Variants in RNGTT observed in about 807,000 individuals in gnomAD.
The protein encoded by RNGTT is mRNA-capping enzyme.
Under a neutral mutation model 79.3 loss-of-function variants are expected in RNGTT, and 33 were observed. The ratio of observed to expected loss-of-function variants is 0.42; its 90% CI spans 0.32 to 0.56. The LOEUF is 0.56. Among genes scored for constraint, RNGTT ranks in the 20% least tolerant of loss-of-function variants. RNGTT has a pLI of 0.17. For missense variants in RNGTT, 497 were observed against 739.1 expected (o/e 0.67, Z 3.80); for synonymous variants, 222 against 235.9 (o/e 0.94, Z 0.54).
chr6:88,805,329 A>G (rs1452599044), intron 11 of RNGTT, among the ~76,000 whole-genome samples: 1 of 152,192 alleles, frequency 6.6e-6, no homozygotes, highest in Non-Finnish European at 1.5e-5. Context: ...AATCCCTGGA[A>G]GCCCAAAACA....
At chr6:88,882,925 T>C (rs1782736081) in intron 8 of RNGTT, among the ~76,000 whole-genome samples, 1 of 152,182 alleles carries the variant, frequency 6.6e-6, no homozygotes, top group Non-Finnish European at 1.5e-5. Flanking sequence ...TTCTGTTGTT[T>C]ATAAATTACC....
intron 8 of RNGTT, among the ~76,000 whole-genome samples, chr6:88,876,189 G>A (rs960463515): frequency 1.3e-5 from 2 of 152,118 alleles, no homozygotes; most frequent in Non-Finnish European, 2.9e-5. Flanking sequence ...AAAAATACAT[G>A]TTATAACAAT....
chr6:88,870,842 AG>A, intron 8 of RNGTT, among the ~76,000 whole-genome samples: 1 of 152,304 alleles, frequency 6.6e-6, no homozygotes, highest in East Asian at 1.9e-4. Context: ...ATTATAAAAT[AG>A]ATGTCCAATG....
intron 14 of RNGTT, among the ~76,000 whole-genome samples, chr6:88,657,850 A>G (rs1774036926): frequency 6.6e-6 from 1 of 152,166 alleles, no homozygotes; most frequent in Admixed American, 6.5e-5. Context: ...CCCTTGGAAC[A>G]TAAATCCACT....
At position 88,611,330 on chromosome 6, in the gene RNGTT, TAGA is replaced by T. The variant is rs1442078283; in HGVS notation, c.*1386_*1388del. 6.6e-6 allele frequency: 1 copy of T among 152,668 alleles called. No homozygotes were observed. Among genetic ancestry groups the T allele is most frequent in the East Asian group, 1.9e-4 (1 of 5,200 alleles). The allele number at this position is 152,668 out of a possible 1,614,324, so 9.5% of individuals were successfully genotyped here. On this transcript the variant is annotated 3_prime_UTR_variant, in exon 16 of 16. Coordinates refer to ENST00000369485, the MANE Select transcript of RNGTT (RefSeq NM_003800.5). ...TGGATTTCGTGTCTGACTGAATCAG[TAGA>T]AGAATATACACTTGCATATACTTAC...
intron 12 of RNGTT, among the ~76,000 whole-genome samples, chr6:88,770,272 A>G (rs1423508781): frequency 2.0e-5 from 3 of 152,192 alleles, no homozygotes; most frequent in African/African-American, 7.2e-5. Context: ...AAATCATGAT[A>G]TTGAACATTT....
At chr6:88,617,197 G>A (rs1772262914) in intron 14 of RNGTT, among the ~76,000 whole-genome samples, 1 of 152,232 alleles carries the variant, frequency 6.6e-6, no homozygotes, top group Non-Finnish European at 1.5e-5. Flanking sequence ...ATGAACCTGG[G>A]AGGCGGAGCT....
intron 12 of RNGTT, among the ~76,000 whole-genome samples, chr6:88,797,440 G>A (rs1360453885): frequency 6.6e-6 from 1 of 152,086 alleles, no homozygotes; most frequent in Non-Finnish European, 1.5e-5. Flanking sequence ...GAGAAGAAAG[G>A]TAAAAGGGAT....
chr6:88,670,694 A>C (rs1297520473), intron 14 of RNGTT, among the ~76,000 whole-genome samples: 1 of 152,166 alleles, frequency 6.6e-6, no homozygotes, highest in Non-Finnish European at 1.5e-5. Flanking sequence ...AAGACTTGTG[A>C]AACTTTCTGT....
At chr6:88,950,464 G>C (rs539591766) in intron 1 of RNGTT, among the ~76,000 whole-genome samples, 1 of 152,200 alleles carries the variant, frequency 6.6e-6, no homozygotes, top group South Asian at 2.1e-4. Flanking sequence ...ATGAATCTGG[G>C]CAAAATAAAT....
At chr6:88,656,704 C>T (rs1773990784) in intron 14 of RNGTT, among the ~76,000 whole-genome samples, 1 of 151,386 alleles carries the variant, frequency 6.6e-6, no homozygotes, top group Non-Finnish European at 1.5e-5. Flanking sequence ...AGAGTCTCTG[C>T]CTTGGGTGAA....
chr6:88,675,652 C>CG (rs11374107), intron 14 of RNGTT, among the ~76,000 whole-genome samples: 11,943 of 151,676 alleles, frequency 0.079, 1,591 homozygotes, highest in African/African-American at 0.27. Flanking sequence ...ATAAAAGCTA[C>CG]TGAACTAATA....
chr6:88,617,556 T>A (rs928082857), intron 14 of RNGTT, among the ~76,000 whole-genome samples: 1 of 152,236 alleles, frequency 6.6e-6, no homozygotes, highest in African/African-American at 2.4e-5. Flanking sequence ...TCTATCTTTA[T>A]GCCAGTAATT....
chr6:88,656,755 G>GACTT (rs1390990065), intron 14 of RNGTT, among the ~76,000 whole-genome samples: 2 of 150,124 alleles, frequency 1.3e-5, no homozygotes, highest in Non-Finnish European at 3.0e-5. Flanking sequence ...CCTTCCCCAT[G>GACTT]ACTTACTGAA....
At chr6:88,786,785 G>C (rs887533783) in intron 12 of RNGTT, among the ~76,000 whole-genome samples, 1 of 152,194 alleles carries the variant, frequency 6.6e-6, no homozygotes, top group Non-Finnish European at 1.5e-5. Flanking sequence ...GCTACAGACT[G>C]ATGTTTGTGT....
intron 14 of RNGTT, among the ~76,000 whole-genome samples, chr6:88,644,949 G>A (rs1325227563): frequency 6.6e-6 from 1 of 152,156 alleles, no homozygotes; most frequent in Non-Finnish European, 1.5e-5. Context: ...GCACAAGACA[G>A]GGATGCCCTC....
chr6:88,752,184 C>CATA (rs1459545112), intron 13 of RNGTT, among the ~76,000 whole-genome samples: 1 of 151,542 alleles, frequency 6.6e-6, no homozygotes, highest in Non-Finnish European at 1.5e-5. Flanking sequence ...ATCCTCTCAT[C>CATA]ATAATTAACT....
intron 14 of RNGTT, among the ~76,000 whole-genome samples, chr6:88,637,622 TG>T (rs768475723): frequency 6.6e-6 from 1 of 152,026 alleles, no homozygotes; most frequent in Non-Finnish European, 1.5e-5. Flanking sequence ...GAACACCCTA[TG>T]GTTTTAGTTA....
At chr6:88,788,288 G>A (rs941162644) in intron 12 of RNGTT, among the ~76,000 whole-genome samples, 4 of 152,208 alleles carry the variant, frequency 2.6e-5, no homozygotes, top group Admixed American at 6.5e-5. Flanking sequence ...ACTGAGCCCC[G>A]AGAAACACCA....
Sources: gnomAD v4.1 joint callset for allele counts (sites outside exome capture counted in the v4.1 genomes callset) on GRCh38, gnomAD v4.1.1 for gene constraint, MANE v1.5 for transcripts, NCBI Gene and HGNC (gene_info 2026-07-23, HGNC 2026-07-21) for gene names.